Variants in CAMTA1 observed in about 807,000 individuals in gnomAD.
CAMTA1 encodes the protein calmodulin-binding transcription activator 1.
CAMTA1 carries 27 observed loss-of-function variants against 170.9 expected under a neutral mutation model. The ratio of observed to expected loss-of-function variants is 0.16; its 90% CI spans 0.12 to 0.22. The LOEUF (loss-of-function observed/expected upper bound fraction) is 0.22. Among genes scored for constraint, CAMTA1 ranks in the 10% least tolerant of loss-of-function variants. The probability of loss-of-function intolerance (pLI) is 1.00; values close to 1 mark genes in which losing one functional copy is unlikely to be tolerated. For synonymous variants in CAMTA1, 833 were observed against 891.5 expected (o/e 0.93, Z 1.17); for missense variants, 1,619 against 2,217.2 (o/e 0.73, Z 5.42).
At chr1:7,752,898 G>A (rs912238868) in intron 21 of CAMTA1, among the ~76,000 whole-genome samples, 7 of 152,224 alleles carry the variant, frequency 4.6e-5, no homozygotes, top group East Asian at 3.9e-4. Flanking sequence ...CTATGCTAGC[G>A]CGTGTCCAAA....
rs968093617 is a variant in CAMTA1, at chr1:7,738,699, G to C, written c.4182+217G>C. ...GTAGGGCCTGAATACCAGTGACCCC[G>C]GTCTCAGCAAAGCCTTCCCTCTTTG... On this transcript the variant is annotated intron_variant, in intron 16 of 22. Transcript: ENST00000303635. This position sits in a 1 kb window ranked among gnomAD's most constrained non-coding sequence, Gnocchi z 4.9. 4.6e-5 allele frequency among the ~76,000 whole-genome samples: 7 copies of C among 152,214 alleles called. No homozygotes were observed. The South Asian group carries it at 8.3e-4, about 18-fold the overall frequency.
rs568240179 is a variant in CAMTA1 at position 7,286,357 on chromosome 1, G to T, written c.438+36731G>T. Reference sequence around the variant, plus strand: ...ATTCTTGATTTGAGGTCTATGGGTGGTCCTGGAAGATCGTCATGGGGGTCT... The same window carrying T: ...ATTCTTGATTTGAGGTCTATGGGTGTTCCTGGAAGATCGTCATGGGGGTCT... On this transcript the variant is annotated intron_variant, in intron 5 of 22. Coordinates refer to ENST00000303635, the MANE Select transcript of CAMTA1 (RefSeq NM_015215.4). The surrounding 1 kb of genome is among the most constrained non-coding windows in gnomAD (Gnocchi z 4.2). Among the ~76,000 whole-genome samples the T allele has an allele frequency of 6.6e-6, 1 of 152,298 alleles. No homozygotes were observed. Among genetic ancestry groups the T allele is most frequent in the Non-Finnish European group, 1.5e-5 (1 of 68,018 alleles).
chr1:6,985,975 G>A (rs6660239), intron 3 of CAMTA1, among the ~76,000 whole-genome samples: 4,569 of 152,250 alleles, frequency 0.03, 120 homozygotes, highest in South Asian at 0.12. Context: ...AACTCTTTCC[G>A]GCCCTACCTG....
intron 3 of CAMTA1, among the ~76,000 whole-genome samples, chr1:6,939,051 G>A (rs1685956736): frequency 6.6e-6 from 1 of 152,220 alleles, no homozygotes; most frequent in Non-Finnish European, 1.5e-5. Context: ...CAGCATGAAT[G>A]TGGCTTGGGA....
chr1:7,268,551 C>T (rs1170676941), intron 5 of CAMTA1, among the ~76,000 whole-genome samples: 3 of 152,076 alleles, frequency 2.0e-5, no homozygotes, highest in African/African-American at 4.8e-5. Flanking sequence ...CCACAGAGAC[C>T]CCAGAATGAT....
chr1:7,368,126 G>A (rs953684960), intron 5 of CAMTA1, among the ~76,000 whole-genome samples: 1 of 150,572 alleles, frequency 6.6e-6, no homozygotes, highest in African/African-American at 2.5e-5. Flanking sequence ...GTTTCATTGG[G>A]TGCAGGCGCT....
chr1:7,167,421 C>T (rs551861918), intron 4 of CAMTA1, among the ~76,000 whole-genome samples: 2 of 152,200 alleles, frequency 1.3e-5, no homozygotes, highest in East Asian at 3.9e-4. Context: ...GTTTCTGGGC[C>T]CCTTATGCCA....
rs888848033 is a variant in CAMTA1, at chr1:6,965,325, G to A, written c.235-125979G>A. Among the ~76,000 whole-genome samples the A allele has an allele frequency of 6.6e-6, 1 of 152,150 alleles. No individual in the cohort carries two copies. Among genetic ancestry groups the A allele is most frequent in the Non-Finnish European group, 1.5e-5 (1 of 68,036 alleles). On this transcript the variant is annotated intron_variant, in intron 3 of 22. Coordinates refer to ENST00000303635, the MANE Select transcript of CAMTA1 (RefSeq NM_015215.4). This position sits in a 1 kb window ranked among gnomAD's most constrained non-coding sequence, Gnocchi z 4.1. ...TGTGCATGTGTGTATGTGTGTGGGT[G>A]TGTGTGTAGGGGGCACGCAGCCAGC...
intron 6 of CAMTA1, among the ~76,000 whole-genome samples, chr1:7,509,877 A>G (rs903074912): frequency 1.3e-5 from 2 of 151,964 alleles, no homozygotes; most frequent in African/African-American, 4.8e-5. Context: ...CTGCTCATAA[A>G]GGATTTTCCA....
intron 3 of CAMTA1, among the ~76,000 whole-genome samples, chr1:6,880,685 C>T (rs747243871): frequency 8.5e-5 from 13 of 152,284 alleles, no homozygotes; most frequent in South Asian, 2.1e-4. Context: ...CCATTATGTC[C>T]GGCCTCTAAC....
In CAMTA1 at chr1:7,561,036, GCGCTCAGGCTCAGGGGGTGA is replaced by G. The variant is rs1383462470; in HGVS notation, c.511-79359_511-79340del. On this transcript the variant is annotated intron_variant, in intron 6 of 22. Transcript: ENST00000303635. This position sits in a 1 kb window ranked among gnomAD's most constrained non-coding sequence, Gnocchi z 5.3. ...TGGGACCTAGAAGCCCTGGCCCTCTGCGCTCAGGCTCAGGGGGTGACGCTGGGCTGGGCGCTTCCCATGAG... is the reference window on the plus strand; with the variant it reads ...TGGGACCTAGAAGCCCTGGCCCTCTGCGCTGGGCTGGGCGCTTCCCATGAG... 3.3e-5 allele frequency among the ~76,000 whole-genome samples: 5 copies of G among 152,176 alleles called. No individual in the cohort carries two copies.
chr1:7,077,517 G>A (rs1018303685), intron 3 of CAMTA1, among the ~76,000 whole-genome samples: 1 of 152,056 alleles, frequency 6.6e-6, no homozygotes, highest in African/African-American at 2.4e-5. Flanking sequence ...TCTCTGGAAC[G>A]AGTTTCTTTT....
At position 7,439,900 on chromosome 1, in the gene CAMTA1, C is replaced by T. The variant is rs929257388; in HGVS notation, c.439-27930C>T. Among the ~76,000 whole-genome samples, 19 of 152,226 alleles carry T rather than the reference C, an allele frequency of 1.2e-4. 1 individual carries two copies. The highest frequency in any genetic ancestry group is 4.3e-4 in the African/African-American group (18 of 41,458). On this transcript the variant is annotated intron_variant, in intron 5 of 22. Transcript: ENST00000303635. ...GCTGCATCTCCAACCTTGGCTTCCT[C>T]ATTTGCAAAATGAAGAGGCCCCAGT...
At chr1:7,196,942 T>C (rs1463647950) in intron 4 of CAMTA1, among the ~76,000 whole-genome samples, 1 of 152,236 alleles carries the variant, frequency 6.6e-6, no homozygotes, top group African/African-American at 2.4e-5. Context: ...GTAACAAAAG[T>C]GTTCCTAGAA....
At chr1:6,811,592 C>T (rs1477799755) in intron 1 of CAMTA1, among the ~76,000 whole-genome samples, 1 of 152,152 alleles carries the variant, frequency 6.6e-6, no homozygotes, top group African/African-American at 2.4e-5. Context: ...CTTCTGATCT[C>T]TGGGCTTGGC....
chr1:6,814,419 A>C (rs1645543954), intron 1 of CAMTA1, among the ~76,000 whole-genome samples: 1 of 152,090 alleles, frequency 6.6e-6, no homozygotes, highest in East Asian at 1.9e-4. Flanking sequence ...TTGGCCCCTG[A>C]AACTCTTGAG....
At chr1:6,945,647 C>T (rs1270494197) in intron 3 of CAMTA1, among the ~76,000 whole-genome samples, 1 of 152,160 alleles carries the variant, frequency 6.6e-6, no homozygotes, top group African/African-American at 2.4e-5. Flanking sequence ...TACCCAGCCA[C>T]CCTATGCCTT....
intron 4 of CAMTA1, among the ~76,000 whole-genome samples, chr1:7,149,983 G>A (rs1440228824): frequency 6.6e-6 from 1 of 150,882 alleles, no homozygotes; most frequent in East Asian, 1.9e-4. Context: ...TTCACTGCTG[G>A]GGAAGGACTG....
chr1:7,513,956 C>G (rs577455541), intron 6 of CAMTA1, among the ~76,000 whole-genome samples: 1 of 152,042 alleles, frequency 6.6e-6, no homozygotes, highest in African/African-American at 2.4e-5. Flanking sequence ...CATACACACA[C>G]ACACACATAC....
Sources: allele counts gnomAD v4.1 joint callset (sites outside exome capture counted in the v4.1 genomes callset), GRCh38; gene constraint gnomAD v4.1.1; non-coding constraint Gnocchi (gnomAD v3.1); transcripts MANE v1.5; gene names NCBI Gene and HGNC (gene_info 2026-07-23, HGNC 2026-07-21).